Variants in PACRG observed in about 807,000 individuals in gnomAD.
PACRG encodes parkin coregulated gene protein.
PACRG carries 29 observed loss-of-function variants against 29.7 expected under a neutral mutation model. The ratio of observed to expected loss-of-function variants is 0.98; its 90% CI spans 0.73 to 1.33. The LOEUF is 1.33. Ranked by LOEUF, PACRG falls within the 40% of genes most tolerant of loss-of-function variation. The probability of loss-of-function intolerance (pLI) is 0.00; values close to 1 mark genes in which losing one functional copy is unlikely to be tolerated. For missense variants in PACRG, 279 were observed against 316.2 expected, an observed-to-expected ratio of 0.88 and a Z score of 0.89; for synonymous variants, 116 against 118.7, an observed-to-expected ratio of 0.98 and a Z score of 0.15.
intron 4 of PACRG, among the ~76,000 whole-genome samples, chr6:163,104,122 A>G (rs1045284734): frequency 1.3e-5 from 2 of 152,254 alleles, no homozygotes; most frequent in African/African-American, 4.8e-5. Context: ...GCTGATCTTC[A>G]CAAATTCTTA....
At chr6:163,241,496 C>T (rs1460237611) in intron 4 of PACRG, among the ~76,000 whole-genome samples, 1 of 152,170 alleles carries the variant, frequency 6.6e-6, no homozygotes, top group Non-Finnish European at 1.5e-5. Flanking sequence ...GCTCCAGGAG[C>T]CCTCATACCC....
At chr6:163,248,842 G>A (rs980503367) in intron 4 of PACRG, among the ~76,000 whole-genome samples, 59 of 151,874 alleles carry the variant, frequency 3.9e-4, no homozygotes, top group Non-Finnish European at 1.9e-4. Context: ...GTGAAACCCC[G>A]TTTCTACTAA....
At chr6:163,203,275 T>C (rs1279020890) in intron 4 of PACRG, among the ~76,000 whole-genome samples, 1 of 152,040 alleles carries the variant, frequency 6.6e-6, no homozygotes, top group Non-Finnish European at 1.5e-5. Context: ...TAGCCGGGTG[T>C]GGTGACATGT....
chr6:163,082,101 T>C (rs1813139119), intron 3 of PACRG, among the ~76,000 whole-genome samples: 1 of 152,210 alleles, frequency 6.6e-6, no homozygotes, highest in African/African-American at 2.4e-5. Flanking sequence ...CTTTTGTGTG[T>C]ATATTATCAA....
chr6:163,105,720 C>G (rs1270952547), intron 4 of PACRG, among the ~76,000 whole-genome samples: 1 of 152,022 alleles, frequency 6.6e-6, no homozygotes, highest in Non-Finnish European at 1.5e-5. Context: ...ATTATCAAAG[C>G]TATGGGTTAA....
At chr6:163,300,109 AGTT>A (rs1784930942) in intron 4 of PACRG, among the ~76,000 whole-genome samples, 3 of 152,244 alleles carry the variant, frequency 2.0e-5, no homozygotes, top group Admixed American at 6.5e-5. Context: ...CCAGAAAATC[AGTT>A]GAGCCCTTTA....
At chr6:163,243,523 G>C (rs978876559) in intron 4 of PACRG, among the ~76,000 whole-genome samples, 3 of 152,016 alleles carry the variant, frequency 2.0e-5, no homozygotes, top group Non-Finnish European at 4.4e-5. Context: ...TTCCAAGACT[G>C]TGTAGCTGGT....
chr6:162,823,473 C>T (rs1034521810), intron 2 of PACRG, among the ~76,000 whole-genome samples: 15 of 150,024 alleles, frequency 1.0e-4, no homozygotes, highest in South Asian at 8.4e-4. Flanking sequence ...ATTTTTATCT[C>T]TTTATCCTTG....
intron 2 of PACRG, among the ~76,000 whole-genome samples, chr6:162,820,298 C>T (rs1205424563): frequency 6.6e-6 from 1 of 150,912 alleles, no homozygotes; most frequent in African/African-American, 2.5e-5. Flanking sequence ...GCATTTTCTC[C>T]TTTTTTTCTA....
At position 162,947,583 on chromosome 6, in the gene PACRG, C is replaced by CATATATATATACTCAT. The variant is rs746673462; in HGVS notation, c.292-114558_292-114557insTACTCATATATATATA. On this transcript the variant is annotated intron_variant, in intron 2 of 4. Coordinates refer to ENST00000366888, the MANE Select transcript of PACRG (RefSeq NM_001080379.2). ...TCATATATATATACTCATATATAAT[C>CATATATATATACTCAT]ATATATATAATCATATATATATATA... Among the ~76,000 whole-genome samples the CATATATATATACTCAT allele has an allele frequency of 1.7e-4, 7 of 42,046 alleles. No homozygotes were observed. In the Admixed American group the frequency reaches 2.9e-3, roughly 17 times the overall value. 27.6% of individuals were successfully genotyped at this position (42,046 alleles called of 152,430 possible).
At chr6:162,879,696 C>T (rs1477300674) in intron 2 of PACRG, among the ~76,000 whole-genome samples, 2 of 152,176 alleles carry the variant, frequency 1.3e-5, no homozygotes, top group African/African-American at 2.4e-5. Flanking sequence ...GGCCAGGCCC[C>T]GAGCTGGCCG....
chr6:163,100,144 C>T (rs1005250317), intron 4 of PACRG, among the ~76,000 whole-genome samples: 1 of 152,020 alleles, frequency 6.6e-6, no homozygotes, highest in Non-Finnish European at 1.5e-5. Context: ...GCGGCTACGG[C>T]TCGGCCCGAA....
intron 4 of PACRG, among the ~76,000 whole-genome samples, chr6:163,125,297 G>C (rs1293068373): frequency 6.6e-6 from 1 of 152,104 alleles, no homozygotes; most frequent in African/African-American, 2.4e-5. Flanking sequence ...ATCTATAAAA[G>C]TACTAGAAGA....
chr6:162,958,926 G>GAGAA, intron 2 of PACRG, among the ~76,000 whole-genome samples: 1 of 103,686 alleles, frequency 9.6e-6, no homozygotes, highest in Non-Finnish European at 2.0e-5. Flanking sequence ...GAGAGAGAGA[G>GAGAA]AGAGAGAGAG....
intron 4 of PACRG, among the ~76,000 whole-genome samples, chr6:163,152,362 C>T (rs1304697574): frequency 6.6e-6 from 1 of 152,160 alleles, no homozygotes; most frequent in Non-Finnish European, 1.5e-5. Flanking sequence ...CATCTGGGGT[C>T]TTTGAAGTAC....
intron 1 of PACRG, among the ~76,000 whole-genome samples, chr6:162,730,080 T>A (rs1414356219): frequency 2.6e-5 from 4 of 151,228 alleles, no homozygotes; most frequent in African/African-American, 9.7e-5. Flanking sequence ...TTTTTTTTAA[T>A]ACCCAGTGTT....
chr6:162,844,567 A>T, intron 2 of PACRG, among the ~76,000 whole-genome samples: 1 of 152,192 alleles, frequency 6.6e-6, no homozygotes, highest in Non-Finnish European at 1.5e-5. Flanking sequence ...TGCGTCGCTC[A>T]CGCTGGGAGC....
At chr6:163,227,722 C>T (rs1203717626) in intron 4 of PACRG, among the ~76,000 whole-genome samples, 5 of 152,136 alleles carry the variant, frequency 3.3e-5, no homozygotes, top group African/African-American at 7.2e-5. Context: ...GACCCTCATA[C>T]ACGTTTGCAA....
rs1022760655 is a variant in PACRG at position 163,032,405 on chromosome 6, T to A, written c.292-29745T>A. Among the ~76,000 whole-genome samples, 43 of 152,136 alleles carry A rather than the reference T, an allele frequency of 2.8e-4. 1 individual carries two copies. Among genetic ancestry groups the A allele is most frequent in the Non-Finnish European group, 1.2e-4 (8 of 68,028 alleles). On this transcript the variant is annotated intron_variant, in intron 2 of 4. Transcript: ENST00000366888. ...GCAGAAACTTGCATTCAAGAGCACC[T>A]GTCAAAGCCCTATAGCTGATTACAA... is the stretch of plus-strand genomic sequence containing the variant.
Sources: allele counts gnomAD v4.1 joint callset (sites outside exome capture counted in the v4.1 genomes callset), GRCh38; gene constraint gnomAD v4.1.1; transcripts MANE v1.5; gene names NCBI Gene and HGNC (gene_info 2026-07-23, HGNC 2026-07-21).